The following NUP188 variants were observed in gnomAD, a reference collection of about 807,000 sequenced individuals.
NUP188 encodes nucleoporin 188.
NUP188 carries 97 observed loss-of-function variants against 223.0 expected under a neutral mutation model. That is an observed-to-expected ratio of 0.43 (90% CI 0.37 to 0.51). The LOEUF (loss-of-function observed/expected upper bound fraction) is 0.51. Ranked by LOEUF, NUP188 falls within the 20% of genes least tolerant of loss-of-function variation. NUP188 has a pLI of 0.00. For synonymous variants in NUP188, 869 were observed against 828.0 expected, an observed-to-expected ratio of 1.05 and a Z score of -0.85; for missense variants, 1,947 against 2,175.6, an observed-to-expected ratio of 0.89 and a Z score of 2.09.
chr9:128,993,622 G>T lies in NUP188; in HGVS notation c.2945G>T (p.Arg982Leu). 3 of 1,614,176 alleles carry T rather than the reference G, an allele frequency of 1.9e-6. No homozygotes were observed. The highest frequency in any genetic ancestry group is 2.5e-6 in the Non-Finnish European group (3 of 1,180,034). Reference sequence around the variant, plus strand: ...TACTGGTGCCCACCCCTGCTGCATCGTGCCGCCATTGCCTTTTTGCATGCT... The same window carrying T: ...TACTGGTGCCCACCCCTGCTGCATCTTGCCGCCATTGCCTTTTTGCATGCT... ...DRYWCPPLLH[R>L]AAIAFLHALW... Residue 982 changes from arginine to leucine, a missense_variant, in exon 27 of 44, where the codon CGT (arginine) becomes CTT (leucine). By Grantham distance (102) the Arg-to-Leu change is moderately radical. Around this residue, in one of 3 missense-constraint regions of NUP188, gnomAD observed 905 missense variants for 990.6 expected, o/e 0.91. Transcript: ENST00000372577.
At chr9:128,949,127 G>A (rs1167818275) in intron 1 of NUP188, 62 bp from the exon 2 acceptor site, 1 of 1,195,302 alleles carries the variant, frequency 8.4e-7, no homozygotes, top group Non-Finnish European at 1.2e-6. Context: ...ATGGCTATGA[G>A]GCAGTGTACA....
At chr9:128,952,956 G>T in intron 3 of NUP188, 110 bp downstream of exon 3, 1 of 860,184 alleles carries the variant, frequency 1.2e-6, no homozygotes, top group South Asian at 1.5e-5. Context: ...GTATACCAGA[G>T]ATAATACAAT....
At chr9:129,002,781 C>G (rs781740714) in intron 36 of NUP188, 36 bp from the exon 37 acceptor site, 1 of 1,602,284 alleles carries the variant, frequency 6.2e-7, no homozygotes, top group Non-Finnish European at 8.5e-7. Flanking sequence ...TGCCTCTCAG[C>G]AGGGTTCCTG....
chr9:128,962,263 T>C (rs1226738126), intron 8 of NUP188, among the ~76,000 whole-genome samples: 2 of 151,218 alleles, frequency 1.3e-5, no homozygotes, highest in African/African-American at 4.9e-5. Context: ...TTTTTTTTTT[T>C]TTTGAGACGG....
chr9:128,962,482 C>T (rs781236072), intron 8 of NUP188, among the ~76,000 whole-genome samples: 1 of 151,996 alleles, frequency 6.6e-6, no homozygotes, highest in Admixed American at 6.6e-5. Flanking sequence ...GTCTCCTGAC[C>T]TCCTGACCCA....
At chr9:128,964,471 C>T (rs1211570542) in intron 8 of NUP188, among the ~76,000 whole-genome samples, 2 of 151,426 alleles carry the variant, frequency 1.3e-5, no homozygotes, top group Non-Finnish European at 2.9e-5. Flanking sequence ...AAGTGACCCT[C>T]CTGTCACAGC....
intron 41 of NUP188, 37 bp from the exon 42 acceptor site, chr9:129,006,012 TC>T: frequency 6.2e-7 from 1 of 1,610,006 alleles, no homozygotes; most frequent in Non-Finnish European, 8.5e-7. Flanking sequence ...TGGGAGCTGT[TC>T]CTGTTGTCTT....
At chr9:128,958,697 T>C in intron 6 of NUP188, 105 bp from the exon 7 acceptor site, 1 of 515,736 alleles carries the variant, frequency 1.9e-6, no homozygotes, top group Non-Finnish European at 3.3e-6. Context: ...TTTATATAAA[T>C]TGAACTTTTC....
chr9:128,983,609 G>A, intron 19 of NUP188, 59 bp downstream of exon 19: 1 of 1,120,710 alleles, frequency 8.9e-7, no homozygotes, highest in South Asian at 1.3e-5. Context: ...ATATGTCTCA[G>A]ATCTAGCCTA....
At chr9:128,960,002 A>G (rs145989603) in intron 8 of NUP188, among the ~76,000 whole-genome samples, 4 of 151,716 alleles carry the variant, frequency 2.6e-5, no homozygotes, top group Admixed American at 6.6e-5. Context: ...TTCTGAACCT[A>G]ATATATCATC....
Position 128,953,694 on chromosome 9 carries a change from AT to A in NUP188, c.161+851del, listed in dbSNP as rs1670298523. 2.0e-5 allele frequency among the ~76,000 whole-genome samples: 3 copies of A among 152,198 alleles called. No homozygotes were observed. The South Asian group carries it at 6.2e-4, about 31-fold the overall frequency. ...AAAAAGATAATCTCTATATTATCAC[AT>A]TTAGGTACCCTTATCATTGTTTCCA... On this transcript the variant is annotated intron_variant, in intron 3 of 43. Transcript: ENST00000372577.
At chr9:128,953,924 G>A (rs961941447) in intron 3 of NUP188, among the ~76,000 whole-genome samples, 1 of 151,918 alleles carries the variant, frequency 6.6e-6, no homozygotes, top group African/African-American at 2.4e-5. Context: ...CCACCTCCCG[G>A]GTTCAAGTGA....
At chr9:128,948,480 A>C (rs905192074) in intron 1 of NUP188, 1 of 152,150 alleles carries the variant, frequency 6.6e-6, no homozygotes, top group Non-Finnish European at 1.5e-5. Context: ...CGCAACTCCG[A>C]GAGGCGCCTT....
Position 128,949,908 on chromosome 9 carries a change from C to T in NUP188, c.87+665C>T, listed in dbSNP as rs141202850. On this transcript the variant is annotated intron_variant, in intron 2 of 43. Coordinates refer to ENST00000372577, the MANE Select transcript of NUP188 (RefSeq NM_015354.3). Reference sequence around the variant, plus strand: ...CATCTCAAAGTCCTGGGATAACAGGCGTGACGGCCACTTTTTTTTTTTTTT... The same window carrying T: ...CATCTCAAAGTCCTGGGATAACAGGTGTGACGGCCACTTTTTTTTTTTTTT... Among the ~76,000 whole-genome samples, 519 of 138,908 alleles carry T rather than the reference C, an allele frequency of 3.7e-3. 2 individuals are homozygous for T. Among genetic ancestry groups the T allele is most frequent in the Non-Finnish European group, 6.2e-3 (404 of 65,396 alleles). 91.1% of individuals were successfully genotyped at this position (138,908 alleles called of 152,430 possible).
chr9:128,965,568 T>G (rs1360923493), intron 8 of NUP188, among the ~76,000 whole-genome samples: 3 of 152,104 alleles, frequency 2.0e-5, no homozygotes, highest in Non-Finnish European at 2.9e-5. Flanking sequence ...TTCTTGTGCC[T>G]CAGCATCCCA....
At chr9:128,989,675 T>G (rs549729439) in intron 24 of NUP188, among the ~76,000 whole-genome samples, 1 of 151,766 alleles carries the variant, frequency 6.6e-6, no homozygotes, top group South Asian at 2.1e-4. Flanking sequence ...CTATTAAAAA[T>G]TTTAAAAATT....
chr9:128,987,138 T>C (rs1842348765), intron 22 of NUP188, among the ~76,000 whole-genome samples: 1 of 151,198 alleles, frequency 6.6e-6, no homozygotes, highest in Non-Finnish European at 1.5e-5. Flanking sequence ...TGTGTATGTG[T>C]ATACATACAC....
chr9:129,005,875 C>T, intron 41 of NUP188, 99 bp downstream of exon 41: 4 of 1,468,806 alleles, frequency 2.7e-6, no homozygotes, highest in Non-Finnish European at 3.7e-6. Flanking sequence ...GGTACCTAGC[C>T]TCCCAAGCCT....
chr9:129,003,093 T>TC (rs1431395003), intron 37 of NUP188, 118 bp downstream of exon 37: 1 of 1,234,934 alleles, frequency 8.1e-7, no homozygotes, highest in Non-Finnish European at 1.1e-6. Flanking sequence ...GTCGATGCCT[T>TC]CATTTTTGAG....
Sources: gnomAD v4.1 joint callset for allele counts (sites outside exome capture counted in the v4.1 genomes callset) on GRCh38, gnomAD v4.1.1 for gene constraint, gnomAD v4.1.1 regional missense constraint, MANE v1.5 for transcripts, NCBI Gene and HGNC (gene_info 2026-07-23, HGNC 2026-07-21) for gene names.